The following GABRG1 variants were observed in gnomAD, a reference collection of about 807,000 sequenced individuals.
GABRG1 encodes gamma-aminobutyric acid type A receptor subunit gamma1, also known as gamma-aminobutyric acid receptor subunit gamma-1.
GABRG1 carries 49 observed loss-of-function variants against 49.8 expected under a neutral mutation model. The observed-to-expected ratio is 0.98, with a 90% confidence interval of 0.78 to 1.25. GABRG1 has a LOEUF of 1.25. Among genes scored for constraint, GABRG1 ranks in the 50% most tolerant of loss-of-function variants. The probability of loss-of-function intolerance (pLI) is 0.00; values close to 1 mark genes in which losing one functional copy is unlikely to be tolerated. For synonymous variants in GABRG1, 232 were observed against 185.1 expected (o/e 1.25, Z -2.06); for missense variants, 552 against 552.3 (o/e 1.00, Z 0.01).
intron 2 of GABRG1, among the ~76,000 whole-genome samples, chr4:46,095,338 C>A (rs948097594): frequency 2.6e-5 from 4 of 151,634 alleles, no homozygotes; most frequent in African/African-American, 9.7e-5. Flanking sequence ...AAATATTCAA[C>A]TTTATGTTCC....
In GABRG1 at chr4:46,064,471, C is replaced by A; in HGVS notation, c.595G>T (p.Glu199Ter). 1 of 1,540,582 alleles carries A rather than the reference C, an allele frequency of 6.5e-7. No homozygotes were observed. The highest frequency in any genetic ancestry group is 8.7e-7 in the Non-Finnish European group (1 of 1,145,428). ...GAAAATTCCAGTGGACAGGAATGTT[C>A]ATCCATGGGAAAGTTATGAAGCTGA... The part of the protein sequence containing the change: ...YLQLHNFPMD[E>*]HSCPLEFSSY... Residue 199 changes from glutamate (E) to a stop codon, truncating the protein, a stop_gained, in exon 5 of 9, where the codon GAA becomes TAA. Transcript: ENST00000295452. LOFTEE classifies it high-confidence loss of function.
chr4:46,072,649 T>C (rs977799275), intron 3 of GABRG1, among the ~76,000 whole-genome samples: 4 of 152,070 alleles, frequency 2.6e-5, no homozygotes, highest in East Asian at 1.9e-4. Flanking sequence ...TAGATTATTG[T>C]CTCTGTTTAT....
chr4:46,080,697 T>A (rs1170357168), intron 3 of GABRG1, among the ~76,000 whole-genome samples: 2 of 151,870 alleles, frequency 1.3e-5, no homozygotes, highest in Non-Finnish European at 2.9e-5. Flanking sequence ...TCCTTGAATC[T>A]TGTTTCTCTT....
rs1005036977 is a variant in GABRG1 at position 46,114,411 on chromosome 4, GGTAA to G, written c.104+9395_104+9398del. 5.3e-5 allele frequency among the ~76,000 whole-genome samples: 8 copies of G among 151,054 alleles called. 1 individual carries two copies. Among genetic ancestry groups the G allele is most frequent in the African/African-American group, 1.9e-4 (8 of 41,414 alleles). ...GAAGAGAACCAAGCCTAGAATACTA[GGTAA>G]GTGTGTCCTGTATGCTTCCAATCTG... is the stretch of plus-strand genomic sequence containing the variant. On this transcript the variant is annotated intron_variant, in intron 1 of 8. Transcript: ENST00000295452.
At chr4:46,044,691 A>G (rs1231351678) in intron 8 of GABRG1, among the ~76,000 whole-genome samples, 2 of 152,106 alleles carry the variant, frequency 1.3e-5, no homozygotes, top group Admixed American at 6.6e-5. Context: ...TAAGGAAGGA[A>G]GAATGGGAGT....
rs1241786980 is a variant in GABRG1, at chr4:46,036,113, T to G, written c.*4875A>C. 6.6e-6 allele frequency: 1 copy of G among 151,940 alleles called. No homozygotes were observed. The highest frequency in any genetic ancestry group is 1.5e-5 in the Non-Finnish European group (1 of 67,876). 9.4% of individuals were successfully genotyped at this position (151,940 alleles called of 1,614,324 possible). A position where few individuals can be genotyped will look rare whatever the true frequency, so the allele number is the denominator to read the frequency against. On this transcript the variant is annotated 3_prime_UTR_variant, in exon 9 of 9. Transcript: ENST00000295452. Reference sequence around the variant, plus strand: ...TTTCAGTTATCACAGCCTTTACTATTCACACACTCAAAGGGTCCAGGTATG... The same window carrying G: ...TTTCAGTTATCACAGCCTTTACTATGCACACACTCAAAGGGTCCAGGTATG...
chr4:46,123,852 A>G lies in GABRG1; in HGVS notation c.62T>C (p.Val21Ala). The change falls in exon 1 of 9, where the codon GTG (valine) becomes GCG (alanine). Residue 21 changes from valine (V) to alanine (A), a missense_variant. Val to Ala is a moderately conservative substitution (Grantham distance 64). Coordinates refer to ENST00000295452, the MANE Select transcript of GABRG1 (RefSeq NM_173536.4). Reference sequence around the variant, plus strand: ...GGTCAGTAACAAGAAGACCAACCTCACCCCTCTACTTTGACTCCGCAGAAG... The same window carrying G: ...GGTCAGTAACAAGAAGACCAACCTCGCCCCTCTACTTTGACTCCGCAGAAG... ...PFLLRSQSRG[V>A]RLVFLLLTLH... The G allele has an allele frequency of 6.2e-7, 1 of 1,613,500 alleles. No homozygotes were observed. Among genetic ancestry groups the G allele is most frequent in the East Asian group, 2.2e-5 (1 of 44,834 alleles).
chr4:46,086,812 G>T (rs573347331), intron 2 of GABRG1, among the ~76,000 whole-genome samples: 1 of 151,596 alleles, frequency 6.6e-6, no homozygotes, highest in South Asian at 2.1e-4. Context: ...CTCTCTTCTG[G>T]TCCTTGCCCA....
At chr4:46,087,839 A>T (rs1719837562) in intron 2 of GABRG1, among the ~76,000 whole-genome samples, 1 of 152,132 alleles carries the variant, frequency 6.6e-6, no homozygotes, top group South Asian at 2.1e-4. Flanking sequence ...CCACTTGACA[A>T]TCAACCTTTC....
chr4:46,052,231 A>ATG (rs1560350136), intron 7 of GABRG1, among the ~76,000 whole-genome samples: 1 of 150,566 alleles, frequency 6.6e-6, no homozygotes, highest in Non-Finnish European at 1.5e-5. Flanking sequence ...CTTGAAATAA[A>ATG]AAAAAAAAAG....
At chr4:46,103,115 G>C (rs975015919) in intron 1 of GABRG1, among the ~76,000 whole-genome samples, 3 of 151,490 alleles carry the variant, frequency 2.0e-5, no homozygotes, top group African/African-American at 7.3e-5. Context: ...CAAATTTCCT[G>C]GTTCTGACAC....
intron 7 of GABRG1, among the ~76,000 whole-genome samples, chr4:46,056,242 C>G (rs1222502375): frequency 6.7e-6 from 1 of 148,614 alleles, no homozygotes; most frequent in African/African-American, 2.5e-5. Flanking sequence ...AAAAATTTAC[C>G]TGATCTAACT....
chr4:46,066,946 T>C (rs532675990), intron 3 of GABRG1, among the ~76,000 whole-genome samples: 1 of 151,916 alleles, frequency 6.6e-6, no homozygotes, highest in South Asian at 2.1e-4. Flanking sequence ...TTTTGATATT[T>C]AAAAGAATAA....
chr4:46,099,922 T>A (rs1468977408), intron 1 of GABRG1, among the ~76,000 whole-genome samples: 1 of 151,732 alleles, frequency 6.6e-6, no homozygotes, highest in Non-Finnish European at 1.5e-5. Context: ...ACCCGCAGTA[T>A]GCAATGAGCA....
At chr4:46,048,077 T>A (rs188095792) in intron 8 of GABRG1, among the ~76,000 whole-genome samples, 1 of 152,160 alleles carries the variant, frequency 6.6e-6, no homozygotes, top group Non-Finnish European at 1.5e-5. Context: ...ATGGGCCGAA[T>A]ATTCAAGTTT....
chr4:46,101,282 A>G (rs151188202), intron 1 of GABRG1, among the ~76,000 whole-genome samples: 67 of 151,748 alleles, frequency 4.4e-4, no homozygotes, highest in Non-Finnish European at 7.7e-4. Flanking sequence ...TTGAAGACAT[A>G]TTTTCTGCTT....
rs1427232515 is a variant in GABRG1, at chr4:46,065,418, G to A, written c.488C>T (p.Thr163Ile). 1.9e-6 allele frequency: 3 copies of A among 1,613,486 alleles called. No individual in the cohort carries two copies. The highest frequency in any genetic ancestry group is 1.6e-4 in the Middle Eastern group (1 of 6,076). The change falls in exon 4 of 9, where the codon ACT (threonine) becomes ATT (isoleucine). Residue 163 changes from threonine (T) to isoleucine (I), a missense_variant. Transcript: ENST00000295452. ...CCAAATTCGAAGCAGACGATTAGGA[G>A]TTGTTATCCAGTGAGCATCAGATTT... Reference protein sequence around the residue: ...SRKSDAHWITTPNRLLRIWND... With the variant: ...SRKSDAHWITIPNRLLRIWND...
In GABRG1 at chr4:46,037,833, T is replaced by C. The variant is rs964654866; in HGVS notation, c.*3155A>G. On this transcript the variant is annotated 3_prime_UTR_variant, in exon 9 of 9. Coordinates refer to ENST00000295452, the MANE Select transcript of GABRG1 (RefSeq NM_173536.4). Reference sequence around the variant, plus strand: ...TTTTGACCTGGAATATAATTTCACATTTATAACTATGGGGCCCTTGGTGTG... The same window carrying C: ...TTTTGACCTGGAATATAATTTCACACTTATAACTATGGGGCCCTTGGTGTG... The C allele has an allele frequency of 6.6e-6, 1 of 151,718 alleles. No individual in the cohort carries two copies. The highest frequency in any genetic ancestry group is 6.6e-5 in the Admixed American group (1 of 15,164). 9.4% of individuals were successfully genotyped at this position (151,718 alleles called of 1,614,324 possible). A position where few individuals can be genotyped will look rare whatever the true frequency, so the allele number is the denominator to read the frequency against.
chr4:46,058,105 C>T, intron 7 of GABRG1, 112 bp downstream of exon 7: 3 of 984,674 alleles, frequency 3.0e-6, no homozygotes, highest in East Asian at 2.6e-5. Context: ...CAATTTTTTT[C>T]CTGACTGTAG....
Sources: gnomAD v4.1 joint callset for allele counts (sites outside exome capture counted in the v4.1 genomes callset) on GRCh38, gnomAD v4.1.1 for gene constraint, MANE v1.5 for transcripts, NCBI Gene and HGNC (gene_info 2026-07-23, HGNC 2026-07-21) for gene names.